The following VNN1 variants were observed in gnomAD, a reference collection of about 807,000 sequenced individuals.
VNN1 encodes the protein pantetheinase.
In VNN1, 29 loss-of-function variants were observed where a neutral mutation model predicts 41.9. The observed-to-expected ratio is 0.69, with a 90% CI of 0.52 to 0.94. The LOEUF (loss-of-function observed/expected upper bound fraction) is 0.94, where lower values mean the gene tolerates loss of function less well. Ranked by LOEUF, VNN1 falls within the 40% of genes least tolerant of loss-of-function variation. VNN1 has a pLI of 0.00. For missense variants in VNN1, 637 were observed against 621.1 expected (o/e 1.03, Z -0.27); for synonymous variants, 233 against 224.4 (o/e 1.04, Z -0.34).
intron 2 of VNN1, among the ~76,000 whole-genome samples, chr6:132,708,442 A>T (rs1390048557): frequency 2.0e-5 from 3 of 152,198 alleles, no homozygotes; most frequent in African/African-American, 7.2e-5. Context: ...TAAATTAAAT[A>T]AAAAAGAAAA....
chr6:132,707,419 C>A (rs764585674), intron 2 of VNN1, among the ~76,000 whole-genome samples: 1 of 152,112 alleles, frequency 6.6e-6, no homozygotes, highest in African/African-American at 2.4e-5. Context: ...AGCCACCATA[C>A]GATCCAGCAA....
chr6:132,688,371 A>G (rs181202684), intron 5 of VNN1, among the ~76,000 whole-genome samples: 2 of 152,316 alleles, frequency 1.3e-5, no homozygotes, highest in African/African-American at 4.8e-5. Context: ...AAATAGGAAG[A>G]TTCCAAAACA....
intron 2 of VNN1, among the ~76,000 whole-genome samples, chr6:132,698,615 A>G (rs2840824): frequency 0.43 from 65,911 of 152,094 alleles, 15,417 homozygotes; most frequent in African/African-American, 0.6. Flanking sequence ...CCCTGATGAG[A>G]GCAATATGAT....
chr6:132,692,606 C>A, intron 4 of VNN1, 22 bp from the exon 5 acceptor site: 1 of 1,532,454 alleles, frequency 6.5e-7, no homozygotes, highest in Non-Finnish European at 8.7e-7. Flanking sequence ...AAGTTGAAAA[C>A]ATCATTTGAA....
At chr6:132,700,534 G>C (rs1026379256) in intron 2 of VNN1, among the ~76,000 whole-genome samples, 1 of 152,046 alleles carries the variant, frequency 6.6e-6, no homozygotes. Context: ...CCCAAACCCT[G>C]TTCTAGTCTG....
chr6:132,702,154 C>G (rs1048376419), intron 2 of VNN1, among the ~76,000 whole-genome samples: 4 of 152,166 alleles, frequency 2.6e-5, no homozygotes, highest in Non-Finnish European at 5.9e-5. Context: ...CAGTCCATGG[C>G]CTGTTAGAAA....
chr6:132,710,622 G>A (rs988450757), intron 2 of VNN1, among the ~76,000 whole-genome samples: 2 of 152,052 alleles, frequency 1.3e-5, no homozygotes, highest in African/African-American at 4.8e-5. Flanking sequence ...AACATGCAGT[G>A]TTTTGTTTTC....
intron 1 of VNN1, 30 bp downstream of exon 1, chr6:132,713,796 A>G (rs1347368629): frequency 5.0e-6 from 8 of 1,609,884 alleles, no homozygotes; most frequent in Non-Finnish European, 5.9e-6. Context: ...CATAGAATCC[A>G]GTACACTGGA....
intron 2 of VNN1, 30 bp downstream of exon 2, chr6:132,711,679 T>C (rs1778601798): frequency 2.5e-6 from 4 of 1,604,484 alleles, no homozygotes; most frequent in Non-Finnish European, 3.4e-6. Flanking sequence ...TGATGTTTAC[T>C]AGTGAATTTT....
intron 2 of VNN1, among the ~76,000 whole-genome samples, chr6:132,701,352 A>G (rs1371695907): frequency 6.6e-6 from 1 of 152,240 alleles, no homozygotes; most frequent in Non-Finnish European, 1.5e-5. Flanking sequence ...TATATAATTC[A>G]GACATGTGCA....
chr6:132,711,118 A>G (rs897725959), intron 2 of VNN1, among the ~76,000 whole-genome samples: 1 of 152,234 alleles, frequency 6.6e-6, no homozygotes, highest in Non-Finnish European at 1.5e-5. Context: ...TTCCTAAAAT[A>G]ATTTTAGCCA....
chr6:132,699,236 G>A (rs1242200473), intron 2 of VNN1: 4 of 292,560 alleles, frequency 1.4e-5, no homozygotes, highest in East Asian at 2.1e-4. Context: ...AGCTACTACT[G>A]CCTTTCAATT....
rs1364715377 is a variant in VNN1 at position 132,681,909 on chromosome 6, T to G, written c.*1231A>C. ...CTACTGCAAGTGCCTTGCTCTCCTG[T>G]GCAGAAGGGCATGCTTTGCACAGTG... On this transcript the variant is annotated 3_prime_UTR_variant, in exon 7 of 7. Coordinates refer to ENST00000367928, the MANE Select transcript of VNN1 (RefSeq NM_004666.3). The G allele has an allele frequency of 6.6e-6, 1 of 152,614 alleles. No homozygotes were observed. The allele number at this position is 152,614 out of a possible 1,614,324, so 9.5% of individuals were successfully genotyped here.
rs552904795 is a variant in VNN1 at position 132,694,891 on chromosome 6, G to A, written c.342-709C>T. ...TGGGGGGCCAGGTGTGGTAGCTCAT[G>A]CCTGTAATCCCAACATTTTGGGAGG... On this transcript the variant is annotated intron_variant, in intron 2 of 6. Transcript: ENST00000367928. Among the ~76,000 whole-genome samples the A allele has an allele frequency of 2.0e-5, 3 of 152,216 alleles. No homozygotes were observed. The East Asian group carries it at 5.8e-4, about 29-fold the overall frequency.
Position 132,682,971 on chromosome 6 carries a change from A to T in VNN1, c.*169T>A. 2.1e-6 allele frequency: 1 copy of T among 483,020 alleles called. No individual in the cohort carries two copies. Among genetic ancestry groups the T allele is most frequent in the Non-Finnish European group, 3.4e-6 (1 of 298,136 alleles). The allele number at this position is 483,020 out of a possible 1,614,324, so 29.9% of individuals were successfully genotyped here. A position where few individuals can be genotyped will look rare whatever the true frequency, so the allele number is the denominator to read the frequency against. ...AGTTTTTTAAATAAAATCTACATTA[A>T]CAGATAATTTATTAAGTTTATATTA... On this transcript the variant is annotated 3_prime_UTR_variant, in exon 7 of 7. Coordinates refer to ENST00000367928, the MANE Select transcript of VNN1 (RefSeq NM_004666.3).
At chr6:132,692,927 T>C (rs1038821485) in intron 4 of VNN1, 97 bp downstream of exon 4, 32 of 1,303,316 alleles carry the variant, frequency 2.5e-5, no homozygotes, top group Admixed American at 3.3e-5. Flanking sequence ...CTGGAAAACA[T>C]TGTATTAAGG....
intron 5 of VNN1, among the ~76,000 whole-genome samples, chr6:132,689,149 G>T (rs1778246473): frequency 6.6e-6 from 1 of 152,126 alleles, no homozygotes; most frequent in African/African-American, 2.4e-5. Flanking sequence ...ACCTCCCAAA[G>T]TGCTGGGATT....
intron 5 of VNN1, among the ~76,000 whole-genome samples, chr6:132,691,832 T>C (rs768715986): frequency 5.9e-5 from 9 of 151,956 alleles, no homozygotes; most frequent in Non-Finnish European, 1.3e-4. Context: ...ACTCTGTCTC[T>C]ACTAAAATAC....
chr6:132,705,802 A>G (rs1406518602), intron 2 of VNN1, among the ~76,000 whole-genome samples: 1 of 151,978 alleles, frequency 6.6e-6, no homozygotes, highest in Non-Finnish European at 1.5e-5. Flanking sequence ...AGAACTGACA[A>G]ACAAATTCAG....
Sources: gnomAD v4.1 joint callset for allele counts (sites outside exome capture counted in the v4.1 genomes callset) on GRCh38, gnomAD v4.1.1 for gene constraint, MANE v1.5 for transcripts, NCBI Gene and HGNC (gene_info 2026-07-23, HGNC 2026-07-21) for gene names.